TBL1X: variants seen among roughly 807,000 people sequenced by gnomAD.
TBL1X encodes the protein transducin beta like 1 X-linked.
Under a neutral mutation model 50.7 loss-of-function variants are expected in TBL1X, and 10 were observed. The ratio of observed to expected loss-of-function variants is 0.20; its 90% CI spans 0.12 to 0.33. TBL1X has a LOEUF of 0.33. Among genes scored for constraint, TBL1X ranks in the 10% least tolerant of loss-of-function variants. The pLI is 1.00. For synonymous variants in TBL1X, 190 were observed against 214.7 expected (o/e 0.88, Z 1.01); for missense variants, 340 against 504.4 (o/e 0.67, Z 3.12).
chrX:9,513,995 G>T (rs1230018600), intron 2 of TBL1X, among the ~76,000 whole-genome samples: 1 of 109,877 alleles, frequency 9.1e-6, no homozygotes, highest in Non-Finnish European at 1.9e-5. Context: ...CAGGGGGAGG[G>T]CACCAAGCCA....
chrX:9,716,316 A>G lies in TBL1X; in HGVS notation c.*70A>G, dbSNP rs748485738. Reference sequence around the variant, plus strand: ...CGTGAATGTGTAGGGTTGCAGCTCTATTCTCCAAAACTGTAGGAACTTGAC... The same window carrying G: ...CGTGAATGTGTAGGGTTGCAGCTCTGTTCTCCAAAACTGTAGGAACTTGAC... On this transcript the variant is annotated 3_prime_UTR_variant, in exon 18 of 18. Coordinates refer to ENST00000645353, the MANE Select transcript of TBL1X (RefSeq NM_005647.4). 3.6e-6 allele frequency: 4 copies of G among 1,100,996 alleles called. No homozygotes were observed. The highest frequency in any genetic ancestry group is 4.8e-5 in the Admixed American group (2 of 41,839). The allele number at this position is 1,100,996 out of a possible 1,213,427, so 90.7% of individuals were successfully genotyped here. A position where few individuals can be genotyped will look rare whatever the true frequency, so the allele number is the denominator to read the frequency against.
chrX:9,660,195 A>C (rs1277021334), intron 5 of TBL1X, among the ~76,000 whole-genome samples: 5 of 112,567 alleles, frequency 4.4e-5, no homozygotes, highest in Non-Finnish European at 7.5e-5. Flanking sequence ...TATCAAAGTC[A>C]TCGAAAACCC....
At chrX:9,679,917 T>G in intron 5 of TBL1X, among the ~76,000 whole-genome samples, 1 of 112,080 alleles carries the variant, frequency 8.9e-6, no homozygotes, top group Non-Finnish European at 1.9e-5. Context: ...TTAGTTAGTA[T>G]GGGCTATAAC....
intron 2 of TBL1X, among the ~76,000 whole-genome samples, chrX:9,600,396 A>G (rs1017685850): frequency 3.4e-5 from 3 of 88,236 alleles, no homozygotes; most frequent in African/African-American, 1.4e-4. Flanking sequence ...TCATGACCGC[A>G]TTACCTCCCA....
chrX:9,646,899 G>C (rs1024017258), intron 3 of TBL1X, among the ~76,000 whole-genome samples: 2 of 111,982 alleles, frequency 1.8e-5, no homozygotes, highest in African/African-American at 6.5e-5. Flanking sequence ...TGCTTCCTTC[G>C]CTGTTTCAGA....
chrX:9,568,634 C>T (rs774453222), intron 2 of TBL1X, among the ~76,000 whole-genome samples: 3 of 91,350 alleles, frequency 3.3e-5, no homozygotes, highest in Non-Finnish European at 6.5e-5. Context: ...GTATGTCTGT[C>T]TGTGCAAGGT....
intron 3 of TBL1X, among the ~76,000 whole-genome samples, chrX:9,651,530 C>G (rs1378014396): frequency 8.9e-6 from 1 of 112,739 alleles, no homozygotes; most frequent in East Asian, 2.8e-4. Flanking sequence ...GTCACTGCAG[C>G]ACTCAGCATC....
At chrX:9,694,398 C>T (rs2083118216) in intron 11 of TBL1X, among the ~76,000 whole-genome samples, 1 of 111,366 alleles carries the variant, frequency 9.0e-6, no homozygotes. Context: ...AGTTCGAGAC[C>T]AGCCTCGCCA....
chrX:9,618,824 C>G (rs1479366430), intron 2 of TBL1X, among the ~76,000 whole-genome samples: 3 of 112,142 alleles, frequency 2.7e-5, no homozygotes, highest in African/African-American at 6.5e-5. Context: ...GCTAGTTAAT[C>G]TAGTCAGTGG....
chrX:9,703,169 G>C (rs2083185219), intron 12 of TBL1X, among the ~76,000 whole-genome samples: 1 of 110,373 alleles, frequency 9.1e-6, no homozygotes, highest in African/African-American at 3.3e-5. Flanking sequence ...GAAGCCTCAT[G>C]ATGATCCTTA....
chrX:9,475,814 G>A (rs1388289528), intron 1 of TBL1X, among the ~76,000 whole-genome samples: 3 of 111,784 alleles, frequency 2.7e-5, no homozygotes, highest in African/African-American at 9.8e-5. Context: ...GAATTGATAT[G>A]TCAGCTTTAG....
chrX:9,656,548 C>T (rs1405240894), intron 5 of TBL1X, among the ~76,000 whole-genome samples: 5 of 112,949 alleles, frequency 4.4e-5, no homozygotes, highest in African/African-American at 1.3e-4. Context: ...CTTCTGTAAC[C>T]AGGCAGCTGA....
chrX:9,692,320 T>C, intron 9 of TBL1X, 66 bp downstream of exon 9: 20 of 1,131,266 alleles, frequency 1.8e-5, no homozygotes, highest in Non-Finnish European at 2.3e-5. Flanking sequence ...AGGCAGGGGC[T>C]GCAGCAATGG....
At chrX:9,566,594 G>A (rs1431096994) in intron 2 of TBL1X, among the ~76,000 whole-genome samples, 1 of 112,231 alleles carries the variant, frequency 8.9e-6, no homozygotes, top group African/African-American at 3.2e-5. Flanking sequence ...CAGCTTCTCT[G>A]TCATGCTTAG....
intron 2 of TBL1X, among the ~76,000 whole-genome samples, chrX:9,613,367 ACC>A (rs201224332): frequency 0.016 from 1,801 of 111,425 alleles, 47 homozygotes; most frequent in African/African-American, 0.056. Flanking sequence ...TGAGAAACAG[ACC>A]CCTTACCATT....
intron 2 of TBL1X, among the ~76,000 whole-genome samples, chrX:9,582,107 T>C (rs961454308): frequency 3.6e-5 from 4 of 112,415 alleles, no homozygotes; most frequent in African/African-American, 1.3e-4. Context: ...CAGAGTACTG[T>C]GCTTAGTAGC....
At chrX:9,690,684 A>G (rs929110657) in intron 7 of TBL1X, among the ~76,000 whole-genome samples, 2 of 111,917 alleles carry the variant, frequency 1.8e-5, no homozygotes, top group Non-Finnish European at 3.8e-5. Context: ...TGCCAGTCAC[A>G]CTTTATTTAT....
chrX:9,579,609 C>T (rs1329072770), intron 2 of TBL1X, among the ~76,000 whole-genome samples: 2 of 111,687 alleles, frequency 1.8e-5, no homozygotes, highest in African/African-American at 6.5e-5. Flanking sequence ...AGAGCCTCTG[C>T]GTTTGGGAAC....
intron 5 of TBL1X, among the ~76,000 whole-genome samples, chrX:9,660,331 A>G (rs2082890561): frequency 8.9e-6 from 1 of 112,833 alleles, no homozygotes; most frequent in African/African-American, 3.2e-5. Flanking sequence ...AAGAAACACA[A>G]GTAGAAATGG....
Sources: allele counts gnomAD v4.1 joint callset (sites outside exome capture counted in the v4.1 genomes callset), GRCh38; gene constraint gnomAD v4.1.1; transcripts MANE v1.5; gene names NCBI Gene and HGNC (gene_info 2026-07-23, HGNC 2026-07-21).